LARGE1: variants seen among roughly 807,000 people sequenced by gnomAD.
LARGE1 encodes the protein xylosyl- and glucuronyltransferase LARGE1.
LARGE1 carries 43 observed loss-of-function variants against 87.6 expected under a neutral mutation model. The observed-to-expected ratio is 0.49, with a 90% confidence interval of 0.38 to 0.63. The LOEUF is 0.63. Ranked by LOEUF, LARGE1 falls within the 30% of genes least tolerant of loss-of-function variation. The probability of loss-of-function intolerance (pLI) is 0.00; values close to 1 mark genes in which losing one functional copy is unlikely to be tolerated. For missense variants in LARGE1, 802 were observed against 1,000.2 expected (o/e 0.80, Z 2.67); for synonymous variants, 434 against 394.6 (o/e 1.10, Z -1.18).
intron 2 of LARGE1, among the ~76,000 whole-genome samples, chr22:33,720,427 C>T (rs746168328): frequency 3.9e-5 from 6 of 152,094 alleles, no homozygotes; most frequent in Non-Finnish European, 5.9e-5. Flanking sequence ...TAATAGGCCA[C>T]GGACTGGTAC....
At chr22:33,516,110 T>C (rs2071291685) in intron 6 of LARGE1, among the ~76,000 whole-genome samples, 1 of 152,190 alleles carries the variant, frequency 6.6e-6, no homozygotes, top group Non-Finnish European at 1.5e-5. Flanking sequence ...TGAGGGATGC[T>C]GTTTGAGAGA....
intron 1 of LARGE1, among the ~76,000 whole-genome samples, chr22:33,889,624 G>A (rs1324176930): frequency 6.6e-6 from 1 of 152,100 alleles, no homozygotes; most frequent in Non-Finnish European, 1.5e-5. Context: ...CAGGCTCTGG[G>A]TCTGGTGTTT....
intron 6 of LARGE1, among the ~76,000 whole-genome samples, chr22:33,516,524 T>G (rs1301260329): frequency 6.6e-6 from 1 of 152,138 alleles, no homozygotes; most frequent in African/African-American, 2.4e-5. Flanking sequence ...TGGTCCTGCA[T>G]CCCATCAGAC....
chr22:33,213,857 CTCTG>C (rs1467498297), intron 11 of LARGE1, among the ~76,000 whole-genome samples: 34 of 151,908 alleles, frequency 2.2e-4, no homozygotes, highest in African/African-American at 8.2e-4. Flanking sequence ...CGGAGTCTCA[CTCTG>C]TCTGTCCCCC....
At chr22:33,836,752 T>C (rs2063118523) in intron 1 of LARGE1, among the ~76,000 whole-genome samples, 1 of 152,004 alleles carries the variant, frequency 6.6e-6, no homozygotes, top group African/African-American at 2.4e-5. Context: ...TGATTCAGAT[T>C]TTTTATCTGT....
chr22:33,415,740 A>C (rs2066464225), intron 7 of LARGE1, among the ~76,000 whole-genome samples: 3 of 152,108 alleles, frequency 2.0e-5, no homozygotes, highest in Admixed American at 2.0e-4. Context: ...CATATGTTTC[A>C]ACAGGCTGCA....
the LARGE1 span, among the ~76,000 whole-genome samples, chr22:33,152,804 G>C: frequency 6.6e-6 from 1 of 152,070 alleles, no homozygotes; most frequent in Non-Finnish European, 1.5e-5. Context: ...TTACACATAT[G>C]TTAGTTCTTT....
At chr22:33,615,350 T>C (rs1258602547) in intron 4 of LARGE1, among the ~76,000 whole-genome samples, 2 of 152,180 alleles carry the variant, frequency 1.3e-5, no homozygotes, top group Admixed American at 1.3e-4. Context: ...CAGCTTGACA[T>C]AATTACCTGG....
downstream of LARGE1, among the ~76,000 whole-genome samples, chr22:33,158,341 A>T (rs1381301217): frequency 6.6e-6 from 1 of 152,216 alleles, no homozygotes; most frequent in African/African-American, 2.4e-5. Flanking sequence ...ATTGCAAAAG[A>T]AGGCAGTAAG....
At chr22:33,197,945 C>A (rs1242729059) in intron 11 of LARGE1, among the ~76,000 whole-genome samples, 1 of 152,010 alleles carries the variant, frequency 6.6e-6, no homozygotes, top group Non-Finnish European at 1.5e-5. Flanking sequence ...ATAATAGAGT[C>A]CAGAAACAGA....
At position 33,760,858 on chromosome 22, in the gene LARGE1, T is replaced by G. The variant is rs373337168; in HGVS notation, c.106+513A>C. On this transcript the variant is annotated intron_variant, in intron 2 of 14. Transcript: ENST00000397394. ...TCACTTGAACTCGGGAGGCAGGGGT[T>G]GCAGTGAGCCACAATCGCGCCACTG... Among the ~76,000 whole-genome samples the G allele has an allele frequency of 4.8e-4, 73 of 152,210 alleles. 1 individual carries two copies. Among genetic ancestry groups the G allele is most frequent in the African/African-American group, 1.6e-3 (68 of 41,540 alleles).
intron 6 of LARGE1, among the ~76,000 whole-genome samples, chr22:33,485,939 C>T (rs2283908): frequency 0.19 from 28,708 of 152,176 alleles, 2,877 homozygotes; most frequent in Middle Eastern, 0.29. Flanking sequence ...TTTGCTGCTA[C>T]ACCTCTGAGG....
intron 5 of LARGE1, among the ~76,000 whole-genome samples, chr22:33,591,832 C>T (rs2078846172): frequency 6.8e-6 from 1 of 146,602 alleles, no homozygotes; most frequent in East Asian, 2.0e-4. Flanking sequence ...TATAGCAAGA[C>T]CCGTCTCTCC....
intron 6 of LARGE1, among the ~76,000 whole-genome samples, chr22:33,433,520 C>A (rs766698336): frequency 6.8e-6 from 1 of 148,144 alleles, no homozygotes; most frequent in Non-Finnish European, 1.5e-5. Context: ...GGCATGAATC[C>A]GGAAGGCGGA....
chr22:33,460,979 C>T (rs2068358601), intron 6 of LARGE1, among the ~76,000 whole-genome samples: 1 of 151,580 alleles, frequency 6.6e-6, no homozygotes, highest in African/African-American at 2.4e-5. Flanking sequence ...GAAGCAAATA[C>T]AAATCCTATC....
chr22:33,622,333 C>T (rs1294305931), intron 4 of LARGE1, among the ~76,000 whole-genome samples: 2 of 152,166 alleles, frequency 1.3e-5, no homozygotes, highest in African/African-American at 4.8e-5. Flanking sequence ...AGCACTTCTC[C>T]TTCCTGCCAT....
intron 5 of LARGE1, chr22:33,572,000 A>G (rs1470975345): frequency 3.2e-6 from 1 of 315,688 alleles, no homozygotes; most frequent in African/African-American, 2.2e-5. Flanking sequence ...TGGCTTCCAA[A>G]TCTCTCCAGG....
At chr22:33,346,076 C>T (rs1939707410) in intron 9 of LARGE1, among the ~76,000 whole-genome samples, 1 of 152,116 alleles carries the variant, frequency 6.6e-6, no homozygotes, top group Non-Finnish European at 1.5e-5. Context: ...AAACTGCCTC[C>T]CACTTATGAT....
intron 6 of LARGE1, among the ~76,000 whole-genome samples, chr22:33,511,421 G>A (rs2071049705): frequency 6.6e-6 from 1 of 152,144 alleles, no homozygotes; most frequent in Admixed American, 6.5e-5. Context: ...CAGAGTGAGG[G>A]GGGATTCAGC....
Sources: allele counts gnomAD v4.1 joint callset (sites outside exome capture counted in the v4.1 genomes callset), GRCh38; gene constraint gnomAD v4.1.1; transcripts MANE v1.5; gene names NCBI Gene and HGNC (gene_info 2026-07-23, HGNC 2026-07-21).